The following NPFFR2 variants were observed in gnomAD, a reference collection of about 807,000 sequenced individuals.
NPFFR2 encodes the protein neuropeptide FF receptor 2, also known as G-protein coupled receptor 74.
NPFFR2 carries 15 observed loss-of-function variants against 13.1 expected under a neutral mutation model. That is an observed-to-expected ratio of 1.15 (90% CI 0.77 to 1.76). The LOEUF (loss-of-function observed/expected upper bound fraction) is 1.76. NPFFR2 is among the 40% of genes most tolerant of loss of function. The pLI, the probability that NPFFR2 is intolerant of heterozygous loss-of-function variation, is 0.00. For missense variants in NPFFR2, 572 were observed against 503.5 expected, an observed-to-expected ratio of 1.14 and a Z score of -1.30; for synonymous variants, 190 against 175.7, an observed-to-expected ratio of 1.08 and a Z score of -0.65.
chr4:72,133,291 T>C (rs72857465), intron 2 of NPFFR2, among the ~76,000 whole-genome samples: 6,673 of 152,144 alleles, frequency 0.044, 406 homozygotes, highest in African/African-American at 0.14. Flanking sequence ...TTGTTTTTGT[T>C]AGCTTTGTTG....
rs541105862 is a variant in NPFFR2 at position 72,143,638 on chromosome 4, A to G, written c.429-3340A>G. Among the ~76,000 whole-genome samples, 5 of 152,272 alleles carry G rather than the reference A, an allele frequency of 3.3e-5. No homozygotes were observed. The South Asian group carries it at 8.3e-4, about 25-fold the overall frequency. On this transcript the variant is annotated intron_variant, in intron 3 of 3. Coordinates refer to ENST00000308744, the MANE Select transcript of NPFFR2 (RefSeq NM_004885.3). ...ATCTCAGCACCCCTTGGCCCAGTCA[A>G]GTCGATAGATTAAATTAGCCATCAC...
chr4:72,107,338 C>A (rs1249009343), intron 1 of NPFFR2, among the ~76,000 whole-genome samples: 1 of 150,608 alleles, frequency 6.6e-6, no homozygotes, highest in Non-Finnish European at 1.5e-5. Flanking sequence ...CCATATTCAC[C>A]TCACTGAACT....
In NPFFR2 at chr4:72,147,483, A is replaced by G; in HGVS notation, c.934A>G (p.Ile312Val). The change falls in exon 4 of 4, where the codon ATC becomes GTC. Residue 312 changes from isoleucine to valine, a missense_variant. Coordinates refer to ENST00000308744, the MANE Select transcript of NPFFR2 (RefSeq NM_004885.3). The part of the protein sequence containing the change: ...LSPNELQIIN[I>V]YIYPFAHWLA... ...TCCAAATGAACTGCAGATCATCAACATCTACATCTACCCTTTTGCACACTG... is the reference window on the plus strand; with the variant it reads ...TCCAAATGAACTGCAGATCATCAACGTCTACATCTACCCTTTTGCACACTG... The G allele has an allele frequency of 6.2e-7, 1 of 1,614,152 alleles. No individual in the cohort carries two copies. The highest frequency in any genetic ancestry group is 8.5e-7 in the Non-Finnish European group (1 of 1,180,016).
In NPFFR2 at chr4:72,084,201, C is replaced by T. The variant is rs991695301; in HGVS notation, c.-7-44384C>T. Among the ~76,000 whole-genome samples, 10 of 152,070 alleles carry T rather than the reference C, an allele frequency of 6.6e-5. 1 individual carries two copies. Among genetic ancestry groups the T allele is most frequent in the Admixed American group, 5.9e-4 (9 of 15,228 alleles). Reference sequence around the variant, plus strand: ...AGGTAATTTTCTCCCCAGTTTGAAACACTTCATATTAGGAAAAAATTCATT... The same window carrying T: ...AGGTAATTTTCTCCCCAGTTTGAAATACTTCATATTAGGAAAAAATTCATT... On this transcript the variant is annotated intron_variant, in intron 1 of 3. Coordinates refer to ENST00000308744, the MANE Select transcript of NPFFR2 (RefSeq NM_004885.3).
chr4:72,147,625 C>T lies in NPFFR2; in HGVS notation c.1076C>T (p.Pro359Leu). 1 of 1,614,148 alleles carries T rather than the reference C, an allele frequency of 6.2e-7. No individual in the cohort carries two copies. Among genetic ancestry groups the T allele is most frequent in the Non-Finnish European group, 8.5e-7 (1 of 1,180,034 alleles). ...QLQLCQKRAK[P>L]MEAYALKAKS... ...CAGCTCTGCCAAAAAAGAGCAAAGC[C>T]TATGGAAGCTTATGCCCTAAAAGCT... The change falls in exon 4 of 4, where the codon CCT becomes CTT. Residue 359 changes from proline (P) to leucine (L), a missense_variant. Pro to Leu is a moderately conservative substitution (Grantham distance 98, BLOSUM62 -3). Transcript: ENST00000308744.
rs1578434581 is a variant in NPFFR2, at chr4:72,068,967, CAT to C, written c.-8+36768_-8+36769del. On this transcript the variant is annotated intron_variant, in intron 1 of 3. Coordinates refer to ENST00000308744, the MANE Select transcript of NPFFR2 (RefSeq NM_004885.3). ...ATTATAGCTTTTGACATACAAGAAACATCAAAAAGATTGAATGTCTTAATAAG... is the reference window on the plus strand; with the variant it reads ...ATTATAGCTTTTGACATACAAGAAACCAAAAAGATTGAATGTCTTAATAAG... 8 of 1,429,936 alleles carry C rather than the reference CAT, an allele frequency of 5.6e-6. No homozygotes were observed. The East Asian group carries it at 2.3e-4, about 40-fold the overall frequency. The allele number at this position is 1,429,936 out of a possible 1,614,324, so 88.6% of individuals were successfully genotyped here.
At chr4:72,143,664 AC>A (rs992717846) in intron 3 of NPFFR2, among the ~76,000 whole-genome samples, 17 of 152,186 alleles carry the variant, frequency 1.1e-4, no homozygotes, top group Admixed American at 1.3e-4. Flanking sequence ...TAGCCATCAC[AC>A]TTTTGTAGCA....
At chr4:72,126,370 A>G (rs1016508877) in intron 1 of NPFFR2, among the ~76,000 whole-genome samples, 3 of 152,208 alleles carry the variant, frequency 2.0e-5, no homozygotes, top group Non-Finnish European at 2.9e-5. Flanking sequence ...GGGGAGGTCA[A>G]TTTTATAAGC....
At chr4:72,107,049 G>C (rs1721438777) in intron 1 of NPFFR2, among the ~76,000 whole-genome samples, 1 of 151,878 alleles carries the variant, frequency 6.6e-6, no homozygotes, top group Non-Finnish European at 1.5e-5. Flanking sequence ...CCCCACCACA[G>C]TGTGCCCAGG....
At chr4:72,127,065 G>A (rs1022427855) in intron 1 of NPFFR2, among the ~76,000 whole-genome samples, 3 of 151,894 alleles carry the variant, frequency 2.0e-5, no homozygotes, top group Admixed American at 2.0e-4. Context: ...CACTTTGGGA[G>A]GCTGAGGCAG....
intron 1 of NPFFR2, among the ~76,000 whole-genome samples, chr4:72,044,017 T>C (rs1719307761): frequency 1.3e-5 from 2 of 152,180 alleles, no homozygotes; most frequent in Non-Finnish European, 2.9e-5. Context: ...GGGCACTTAC[T>C]TCCATGCTGT....
chr4:72,126,806 CTA>C (rs939391615), intron 1 of NPFFR2, among the ~76,000 whole-genome samples: 7 of 152,198 alleles, frequency 4.6e-5, no homozygotes, highest in African/African-American at 1.7e-4. Context: ...TAGGCATGTT[CTA>C]TGTGAGTCCA....
chr4:72,037,470 C>A (rs1031602700), intron 1 of NPFFR2, among the ~76,000 whole-genome samples: 2 of 150,364 alleles, frequency 1.3e-5, no homozygotes, highest in Admixed American at 6.6e-5. Context: ...TACTTTCTGT[C>A]CTTGCATTCT....
intron 1 of NPFFR2, among the ~76,000 whole-genome samples, chr4:72,111,957 C>G (rs1721578776): frequency 6.6e-6 from 1 of 152,006 alleles, no homozygotes; most frequent in Non-Finnish European, 1.5e-5. Context: ...CATTGAAAAC[C>G]TCTATCTAGT....
intron 1 of NPFFR2, among the ~76,000 whole-genome samples, chr4:72,111,947 C>G (rs1409775674): frequency 6.6e-6 from 1 of 152,018 alleles, no homozygotes; most frequent in Non-Finnish European, 1.5e-5. Context: ...TGCTACTGAA[C>G]ATTGAAAACC....
intron 1 of NPFFR2, among the ~76,000 whole-genome samples, chr4:72,099,580 G>T (rs907737482): frequency 6.6e-6 from 1 of 152,002 alleles, no homozygotes; most frequent in South Asian, 2.1e-4. Context: ...GCAAGAGAGA[G>T]GGGGAGGAGG....
intron 1 of NPFFR2, among the ~76,000 whole-genome samples, chr4:72,092,031 T>C (rs2084259667): frequency 6.6e-6 from 1 of 152,136 alleles, no homozygotes; most frequent in Admixed American, 6.6e-5. Context: ...TCTGATAGTT[T>C]ATATCACTAT....
chr4:72,079,053 A>AACACACACACAC lies in NPFFR2; in HGVS notation c.-8+46877_-8+46888dup, dbSNP rs59522916. On this transcript the variant is annotated intron_variant, in intron 1 of 3. Transcript: ENST00000308744. ...ATGTGTTATAAAATGCATAGAACTA[A>AACACACACACAC]ACACACACACACACACACACACACA... Among the ~76,000 whole-genome samples, 984 of 139,186 alleles carry AACACACACACAC rather than the reference A, an allele frequency of 7.1e-3. 5 individuals are homozygous for AACACACACACAC. The highest frequency in any genetic ancestry group is 0.016 in the East Asian group (78 of 4,896). The allele number at this position is 139,186 out of a possible 152,430, so 91.3% of individuals were successfully genotyped here.
chr4:72,055,940 A>T (rs1483751615), intron 1 of NPFFR2, among the ~76,000 whole-genome samples: 1 of 151,970 alleles, frequency 6.6e-6, no homozygotes, highest in East Asian at 1.9e-4. Context: ...GTGTGAAGCT[A>T]GCAGAGGTTG....
Sources: gnomAD v4.1 joint callset for allele counts (sites outside exome capture counted in the v4.1 genomes callset) on GRCh38, gnomAD v4.1.1 for gene constraint, MANE v1.5 for transcripts, NCBI Gene and HGNC (gene_info 2026-07-23, HGNC 2026-07-21) for gene names.